Variants in ASCC3 observed in about 807,000 individuals in gnomAD.
The protein encoded by ASCC3 is activating signal cointegrator 1 complex subunit 3.
Under a neutral mutation model 256.3 loss-of-function variants are expected in ASCC3, and 158 were observed. The observed-to-expected ratio is 0.62, with a 90% CI of 0.54 to 0.70. ASCC3 has a LOEUF of 0.70. ASCC3 is among the 30% of genes least tolerant of loss of function. ASCC3 has a pLI of 0.00. For synonymous variants in ASCC3, 948 were observed against 883.4 expected (o/e 1.07, Z -1.30); for missense variants, 2,259 against 2,626.0 (o/e 0.86, Z 3.05).
In ASCC3 at chr6:100,570,217, T is replaced by C. The variant is rs530961229; in HGVS notation, c.5550+19417A>G. 3.3e-5 allele frequency among the ~76,000 whole-genome samples: 5 copies of C among 152,302 alleles called. No individual in the cohort carries two copies. In the South Asian group the frequency reaches 1.0e-3, roughly 32 times the overall value. ...AGGGTTTTCTAAGTATATAATCATATCACCACCAAAGAGAGATAGTTTGAC... is the reference window on the plus strand; with the variant it reads ...AGGGTTTTCTAAGTATATAATCATACCACCACCAAAGAGAGATAGTTTGAC... On this transcript the variant is annotated intron_variant, in intron 36 of 41. Transcript: ENST00000369162.
At chr6:100,714,366 G>GT (rs1186382990) in intron 13 of ASCC3, among the ~76,000 whole-genome samples, 2 of 152,050 alleles carry the variant, frequency 1.3e-5, no homozygotes, top group African/African-American at 2.4e-5. Context: ...TCACAAAATA[G>GT]TTTTTTATGA....
At chr6:100,522,311 T>C (rs529572770) in intron 37 of ASCC3, among the ~76,000 whole-genome samples, 2 of 152,220 alleles carry the variant, frequency 1.3e-5, no homozygotes, top group East Asian at 3.9e-4. Flanking sequence ...AGAATGGAAA[T>C]GTGATTTCAA....
chr6:100,737,350 C>A (rs554805027), intron 10 of ASCC3, among the ~76,000 whole-genome samples: 1 of 152,000 alleles, frequency 6.6e-6, no homozygotes, highest in Non-Finnish European at 1.5e-5. Context: ...TTAAGCCCAG[C>A]ATCCCTTAGC....
chr6:100,604,996 A>AT (rs1772810234), intron 33 of ASCC3, among the ~76,000 whole-genome samples: 1 of 152,142 alleles, frequency 6.6e-6, no homozygotes, highest in Non-Finnish European at 1.5e-5. Flanking sequence ...AGAAAGGGGT[A>AT]GTGGTTACTG....
At chr6:100,851,763 C>T (rs891096819) in intron 3 of ASCC3, among the ~76,000 whole-genome samples, 1 of 152,156 alleles carries the variant, frequency 6.6e-6, no homozygotes, top group Non-Finnish European at 1.5e-5. Context: ...ATATGCCTTA[C>T]GGTTCTGGGA....
chr6:100,853,752 T>C (rs1772806472), intron 3 of ASCC3, among the ~76,000 whole-genome samples: 1 of 152,226 alleles, frequency 6.6e-6, no homozygotes, highest in African/African-American at 2.4e-5. Flanking sequence ...CGTGAGCCAC[T>C]GTACCCAGCC....
chr6:100,832,286 G>T (rs1043189870), intron 4 of ASCC3, among the ~76,000 whole-genome samples: 5 of 152,212 alleles, frequency 3.3e-5, no homozygotes, highest in African/African-American at 1.2e-4. Context: ...AGGAAGTGGG[G>T]TGATACATTT....
At chr6:100,555,344 T>C (rs576313502) in intron 36 of ASCC3, among the ~76,000 whole-genome samples, 1 of 152,348 alleles carries the variant, frequency 6.6e-6, no homozygotes, top group African/African-American at 2.4e-5. Context: ...CTCATGTGAA[T>C]ATATGTGTCT....
chr6:100,698,121 T>TAG (rs1390715664), intron 13 of ASCC3, among the ~76,000 whole-genome samples: 5 of 152,110 alleles, frequency 3.3e-5, no homozygotes, highest in African/African-American at 1.2e-4. Flanking sequence ...ACTTCAAAGA[T>TAG]AGGAGTATTA....
chr6:100,765,450 G>T (rs754053982), intron 10 of ASCC3, among the ~76,000 whole-genome samples: 2 of 152,070 alleles, frequency 1.3e-5, no homozygotes, highest in African/African-American at 4.8e-5. Flanking sequence ...CAGCTTCATC[G>T]GCATGATAAA....
At chr6:100,735,056 G>A (rs1389470840) in intron 10 of ASCC3, among the ~76,000 whole-genome samples, 2 of 152,114 alleles carry the variant, frequency 1.3e-5, no homozygotes, top group Non-Finnish European at 2.9e-5. Flanking sequence ...ATATATTAAG[G>A]AGGAAAGTGC....
chr6:100,622,262 G>A (rs1262296783), intron 30 of ASCC3, among the ~76,000 whole-genome samples: 1 of 147,918 alleles, frequency 6.8e-6, no homozygotes, highest in East Asian at 1.9e-4. Flanking sequence ...ATCCCCACAT[G>A]TTACGGGAGA....
At chr6:100,666,350 T>A (rs117691757) in intron 14 of ASCC3, among the ~76,000 whole-genome samples, 2,340 of 152,262 alleles carry the variant, frequency 0.015, 24 homozygotes, top group East Asian at 0.045. Context: ...CAGGCATGAA[T>A]CTTACGGGTC....
intron 4 of ASCC3, among the ~76,000 whole-genome samples, chr6:100,826,959 T>C (rs925286083): frequency 2.6e-5 from 4 of 152,232 alleles, no homozygotes; most frequent in Non-Finnish European, 4.4e-5. Context: ...ATTTCTAAGT[T>C]ACATTAGCCA....
intron 14 of ASCC3, among the ~76,000 whole-genome samples, chr6:100,666,096 A>G (rs185942877): frequency 6.6e-6 from 1 of 152,216 alleles, no homozygotes; most frequent in Admixed American, 6.5e-5. Context: ...AGTTTCTGTC[A>G]CCCAGATTAA....
Position 100,636,855 on chromosome 6 carries a change from T to C in ASCC3, c.4122+1746A>G, listed in dbSNP as rs572177116. Among the ~76,000 whole-genome samples, 17 of 152,278 alleles carry C rather than the reference T, an allele frequency of 1.1e-4. No individual in the cohort carries two copies. The East Asian group carries it at 1.9e-3, about 17-fold the overall frequency. ...AAGCCCCAAATTCTCTTCAATTCTG[T>C]GAAGGCTGAGAGTGGTGAGGACACT... On this transcript the variant is annotated intron_variant, in intron 25 of 41. Coordinates refer to ENST00000369162, the MANE Select transcript of ASCC3 (RefSeq NM_006828.4).
rs1347126325 is a variant in ASCC3 at position 100,649,460 on chromosome 6, A to G, written c.3252+1078T>C. On this transcript the variant is annotated intron_variant, in intron 20 of 41. Coordinates refer to ENST00000369162, the MANE Select transcript of ASCC3 (RefSeq NM_006828.4). ...AGAAGCTATAGGGTTTAAAGAATATATAAATATTTTCACTACATCTATATT... is the reference window on the plus strand; with the variant it reads ...AGAAGCTATAGGGTTTAAAGAATATGTAAATATTTTCACTACATCTATATT... 2.6e-5 allele frequency among the ~76,000 whole-genome samples: 4 copies of G among 151,668 alleles called. No homozygotes were observed. In the East Asian group the frequency reaches 7.7e-4, roughly 29 times the overall value.
At chr6:100,586,209 G>T (rs1335826000) in intron 36 of ASCC3, among the ~76,000 whole-genome samples, 1 of 152,204 alleles carries the variant, frequency 6.6e-6, no homozygotes, top group Non-Finnish European at 1.5e-5. Flanking sequence ...AGGCAGGCAG[G>T]CCTCCTTGAG....
At chr6:100,818,559 A>G (rs1446984801) in intron 4 of ASCC3, among the ~76,000 whole-genome samples, 1 of 121,422 alleles carries the variant, frequency 8.2e-6, no homozygotes, top group Non-Finnish European at 1.7e-5. Context: ...ACAGGGCAAG[A>G]CTCCGTCTCA....
Sources: gnomAD v4.1 joint callset for allele counts (sites outside exome capture counted in the v4.1 genomes callset) on GRCh38, gnomAD v4.1.1 for gene constraint, MANE v1.5 for transcripts, NCBI Gene and HGNC (gene_info 2026-07-23, HGNC 2026-07-21) for gene names.